The following TUSC3 variants were observed in gnomAD, a reference collection of about 807,000 sequenced individuals.
The protein encoded by TUSC3 is dolichyl-diphosphooligosaccharide--protein glycosyltransferase subunit TUSC3.
Under a neutral mutation model 44.8 loss-of-function variants are expected in TUSC3, and 45 were observed. The observed-to-expected ratio is 1.00, with a 90% CI of 0.79 to 1.29. The LOEUF is 1.29. TUSC3 is among the 50% of genes most tolerant of loss of function. The probability of loss-of-function intolerance (pLI) is 0.00; values close to 1 mark genes in which losing one functional copy is unlikely to be tolerated. For missense variants in TUSC3, 519 were observed against 437.9 expected, an observed-to-expected ratio of 1.19 and a Z score of -1.65; for synonymous variants, 212 against 152.9, an observed-to-expected ratio of 1.39 and a Z score of -2.85.
At chr8:15,709,535 A>G (rs757955505) in intron 6 of TUSC3, among the ~76,000 whole-genome samples, 2 of 151,862 alleles carry the variant, frequency 1.3e-5, no homozygotes, top group Non-Finnish European at 2.9e-5. Flanking sequence ...TTAGCTCCAG[A>G]TGAAGCTCCC....
chr8:15,525,455 C>G (rs954943152), intron 2 of TUSC3, among the ~76,000 whole-genome samples: 1 of 152,172 alleles, frequency 6.6e-6, no homozygotes. Flanking sequence ...AATAGTCCTA[C>G]TATTATTTTT....
chr8:15,724,207 A>G (rs1038436842), intron 6 of TUSC3, among the ~76,000 whole-genome samples: 1 of 152,096 alleles, frequency 6.6e-6, no homozygotes, highest in Admixed American at 6.6e-5. Context: ...CCAGACACCA[A>G]TCCCATTGGC....
intron 1 of TUSC3, among the ~76,000 whole-genome samples, chr8:15,473,108 T>G (rs1406779839): frequency 6.6e-6 from 1 of 152,164 alleles, no homozygotes; most frequent in African/African-American, 2.4e-5. Context: ...CTTTTTAGTT[T>G]CCCCAAATAA....
intron 7 of TUSC3, among the ~76,000 whole-genome samples, chr8:15,738,849 T>TTTTTTTTTTTTTTTTTA (rs1811057614): frequency 7.0e-6 from 1 of 141,860 alleles, no homozygotes; most frequent in Admixed American, 7.2e-5. Context: ...TTTTTTTTTT[T>TTTTTTTTTTTTTTTTTA]TGAGAGGGAG....
intron 2 of TUSC3, among the ~76,000 whole-genome samples, chr8:15,493,906 C>G (rs1031222406): frequency 2.0e-5 from 3 of 152,192 alleles, no homozygotes; most frequent in Admixed American, 2.0e-4. Context: ...ATGATTTCCA[C>G]TAAAAAGACC....
At chr8:15,594,005 G>A (rs1033676242) in intron 1 of TUSC3, among the ~76,000 whole-genome samples, 1 of 152,048 alleles carries the variant, frequency 6.6e-6, no homozygotes, top group African/African-American at 2.4e-5. Flanking sequence ...ATGTACTAAC[G>A]ATACTATATT....
intron 1 of TUSC3, among the ~76,000 whole-genome samples, chr8:15,595,630 C>T (rs1210553467): frequency 6.6e-6 from 1 of 152,042 alleles, no homozygotes; most frequent in Non-Finnish European, 1.5e-5. Context: ...TGTATCTTGG[C>T]CAGAAATGGA....
intron 1 of TUSC3, among the ~76,000 whole-genome samples, chr8:15,418,181 A>G (rs960328198): frequency 2.6e-5 from 4 of 152,324 alleles, no homozygotes; most frequent in Middle Eastern, 3.4e-3. Flanking sequence ...ATTCATCATT[A>G]AATGTGTTTG....
downstream of TUSC3, among the ~76,000 whole-genome samples, chr8:15,770,589 C>T (rs769769200): frequency 1.1e-4 from 16 of 151,672 alleles, no homozygotes; most frequent in Admixed American, 6.6e-4. Flanking sequence ...ATATAAATTC[C>T]GATGTTGAAA....
At chr8:15,675,608 C>G (rs1353701391) in intron 6 of TUSC3, among the ~76,000 whole-genome samples, 1 of 151,988 alleles carries the variant, frequency 6.6e-6, no homozygotes, top group Non-Finnish European at 1.5e-5. Flanking sequence ...CCTCCTCTAC[C>G]CTCTAATAGG....
At chr8:15,605,393 A>T (rs1804477389) in intron 1 of TUSC3, among the ~76,000 whole-genome samples, 1 of 151,934 alleles carries the variant, frequency 6.6e-6, no homozygotes. Context: ...AAATCACATG[A>T]TTCATAAAGT....
At chr8:15,831,584 T>C in the TUSC3 span, among the ~76,000 whole-genome samples, 1 of 151,970 alleles carries the variant, frequency 6.6e-6, no homozygotes, top group Non-Finnish European at 1.5e-5. Flanking sequence ...ACAGACAAAA[T>C]AGCCAGTATA....
chr8:15,725,804 G>T (rs1300334199), intron 6 of TUSC3, among the ~76,000 whole-genome samples: 1 of 151,994 alleles, frequency 6.6e-6, no homozygotes, highest in Non-Finnish European at 1.5e-5. Context: ...TTGACTTCAG[G>T]GAATATGACT....
chr8:15,581,576 A>C (rs4510864), intron 1 of TUSC3, among the ~76,000 whole-genome samples: 10,960 of 144,966 alleles, frequency 0.076, 656 homozygotes, highest in South Asian at 0.26. Flanking sequence ...AATACCCTGC[A>C]GTGTGAGGTG....
chr8:15,819,674 A>C, the TUSC3 span, among the ~76,000 whole-genome samples: 1 of 152,200 alleles, frequency 6.6e-6, no homozygotes, highest in East Asian at 1.9e-4. Context: ...ATTAAAAGTT[A>C]ATGAAACTTT....
chr8:15,818,587 C>G, the TUSC3 span, among the ~76,000 whole-genome samples: 1 of 152,154 alleles, frequency 6.6e-6, no homozygotes, highest in Non-Finnish European at 1.5e-5. Flanking sequence ...TTTTATTTCT[C>G]AAATCCTCTG....
rs181499054 is a variant in TUSC3, at chr8:15,430,012, G to A, written n.91+12707G>A. ...AGCCCACCAACCAAAAAAAATCCAG[G>A]ACCAGATGGATTCACAGCCGAATTC... On this transcript the variant is annotated intron_variant and non_coding_transcript_variant, in intron 1 of 5. Coordinates refer to the TUSC3 transcript ENST00000503191. Among the ~76,000 whole-genome samples, 580 of 151,568 alleles carry A rather than the reference G, an allele frequency of 3.8e-3. 6 individuals are homozygous for A. The highest frequency in any genetic ancestry group is 8.0e-3 in the Admixed American group (122 of 15,254).
At chr8:15,581,457 T>A (rs1803330040) in intron 1 of TUSC3, among the ~76,000 whole-genome samples, 1 of 148,696 alleles carries the variant, frequency 6.7e-6, no homozygotes, top group African/African-American at 2.5e-5. Flanking sequence ...TTTTATCTAC[T>A]TTTGGTCTTT....
chr8:15,525,864 A>G (rs2129130168), intron 2 of TUSC3, among the ~76,000 whole-genome samples: 1 of 152,270 alleles, frequency 6.6e-6, no homozygotes, highest in South Asian at 2.1e-4. Context: ...GTAATGGGGG[A>G]AAAAGTAGTC....
Sources: gnomAD v4.1 joint callset for allele counts (sites outside exome capture counted in the v4.1 genomes callset) on GRCh38, gnomAD v4.1.1 for gene constraint, MANE v1.5 for transcripts, NCBI Gene and HGNC (gene_info 2026-07-23, HGNC 2026-07-21) for gene names.